PPOX: variants seen among roughly 807,000 people sequenced by gnomAD.
PPOX encodes protoporphyrinogen oxidase, also known as variegate porphyria.
Under a neutral mutation model 54.1 loss-of-function variants are expected in PPOX, and 23 were observed. The observed-to-expected ratio is 0.43, with a 90% CI of 0.31 to 0.60. PPOX has a LOEUF of 0.60. PPOX is among the 20% of genes least tolerant of loss of function. PPOX has a pLI of 0.13. For synonymous variants in PPOX, 224 were observed against 236.1 expected (o/e 0.95, Z 0.47); for missense variants, 512 against 601.1 (o/e 0.85, Z 1.55).
At chr1:161,166,071 G>C, upstream of PPOX, 1 of 984,598 alleles carries the variant, frequency 1.0e-6, no homozygotes, top group South Asian at 4.7e-5. Context: ...GCTGTTTATG[G>C]AGCCGCCTCC....
At chr1:161,171,317 C>A, downstream of PPOX, 1 of 1,375,556 alleles carries the variant, frequency 7.3e-7, no homozygotes, top group South Asian at 1.2e-5. Context: ...AGATGCGAGA[C>A]AAAGTCCTTT....
At chr1:161,174,979 G>A, downstream of PPOX, 1 of 1,611,198 alleles carries the variant, frequency 6.2e-7, no homozygotes, top group Non-Finnish European at 8.5e-7. Flanking sequence ...AAATGAGGTG[G>A]AGATTGGGGG....
Position 161,168,551 on chromosome 1 carries a change from A to G in PPOX, c.591A>G (p.Ile197Met). 6.2e-7 allele frequency: 1 copy of G among 1,614,022 alleles called. No individual in the cohort carries two copies. The highest frequency in any genetic ancestry group is 8.5e-7 in the Non-Finnish European group (1 of 1,180,010). The stretch of plus-strand genomic sequence containing the variant: ...AAGCTGAGCAAACCCATCGTTCCAT[A>G]TTACTGGGCCTGCTGCTGGGGGCAG... ...LFQAEQTHRSILLGLLLGAGR... is the reference protein window; with the variant it reads ...LFQAEQTHRSMLLGLLLGAGR... Residue 197 changes from isoleucine (I) to methionine (M), a missense_variant, in exon 6 of 13, where the codon ATA (isoleucine) becomes ATG (methionine). Physicochemically the swap from Ile to Met is conservative, Grantham distance 10. Transcript: ENST00000367999.
chr1:161,177,116 A>C, downstream of PPOX: 2 of 1,510,784 alleles, frequency 1.3e-6, no homozygotes, highest in Non-Finnish European at 1.8e-6. Flanking sequence ...GCTGAAGAGA[A>C]AGGGAGAGGG....
At chr1:161,176,804 G>C in intron 4 of PPOX, 1 of 1,490,460 alleles carries the variant, frequency 6.7e-7, no homozygotes, top group Non-Finnish European at 9.0e-7. Flanking sequence ...GGACAGATTG[G>C]GGAGTGGGGA....
Position 161,167,492 on chromosome 1 carries a change from A to AT in PPOX, c.338+6_338+7insT. 1 of 1,601,856 alleles carries AT rather than the reference A, an allele frequency of 6.2e-7. No individual in the cohort carries two copies. The highest frequency in any genetic ancestry group is 8.5e-7 in the Non-Finnish European group (1 of 1,177,282). ...GCCCTACCCACTGGCCTCAGGTAAC[A>AT]CCAGCACCTCCGCTCCTTTTACTGT... On this transcript the variant is annotated splice_region_variant and intron_variant, in intron 4 of 12. Coordinates refer to ENST00000367999, the MANE Select transcript of PPOX (RefSeq NM_001122764.3).
chr1:161,171,661 C>G (rs1661476111), downstream of PPOX: 2 of 1,086,762 alleles, frequency 1.8e-6, no homozygotes, highest in Admixed American at 2.7e-5. Context: ...AGGAGCCCAG[C>G]TCCAGTCCAG....
downstream of PPOX, chr1:161,171,377 G>A: frequency 3.2e-6 from 3 of 927,462 alleles, no homozygotes; most frequent in Non-Finnish European, 4.8e-6. Context: ...ACCAGAAGAG[G>A]GAGCTATTCC....
chr1:161,169,034 T>G lies in PPOX; in HGVS notation c.658T>G (p.Leu220Val), dbSNP rs547874675. ...QPDSALIRQA[L>V]AERWSQWSLR... is the part of the protein sequence containing the mutation. ...AGACTCAGCACTCATTCGCCAGGCCTTGGCTGAGCGCTGGAGCCAGTGGTC... is the reference window on the plus strand; with the variant it reads ...AGACTCAGCACTCATTCGCCAGGCCGTGGCTGAGCGCTGGAGCCAGTGGTC... Residue 220 changes from leucine (L) to valine (V), a missense_variant, in exon 7 of 13, where the codon TTG becomes GTG. Leu to Val is a conservative substitution (Grantham distance 32, BLOSUM62 1). Transcript: ENST00000367999. The G allele has an allele frequency of 6.2e-7, 1 of 1,614,222 alleles. No individual in the cohort carries two copies. The highest frequency in any genetic ancestry group is 1.1e-5 in the South Asian group (1 of 91,092).
intron 11 of PPOX, 49 bp downstream of exon 11, chr1:161,170,818 C>G: frequency 6.2e-7 from 1 of 1,614,012 alleles, no homozygotes; most frequent in South Asian, 1.1e-5. Context: ...GCCTTGAAGA[C>G]AGAGACTGGA....
Position 161,166,837 on chromosome 1 carries a change from C to CA in PPOX, c.-8-2dup. 6.2e-7 allele frequency: 1 copy of CA among 1,612,990 alleles called. No homozygotes were observed. The highest frequency in any genetic ancestry group is 1.1e-5 in the South Asian group (1 of 91,078). ...CCTGTCCATATCGCCCCCTTTCCCC[C>CA]AGGTTTCCGCATGGGCCGGACCGTG... On this transcript the variant is annotated splice_region_variant and splice_polypyrimidine_tract_variant and intron_variant, in intron 1 of 12. Transcript: ENST00000367999.
chr1:161,170,674 T>C lies in PPOX; in HGVS notation c.1153T>C (p.Ser385Pro), dbSNP rs746065653. Residue 385 changes from serine to proline, a missense_variant, in exon 11 of 13, where the codon TCT (serine) becomes CCT (proline). Ser to Pro is a moderately conservative substitution (Grantham distance 74, BLOSUM62 -1). Coordinates refer to ENST00000367999, the MANE Select transcript of PPOX (RefSeq NM_001122764.3). ...QTLEASGCVL[S>P]QELFQQRAQE... ...ACTGGAGGCTAGTGGCTGTGTCTTA[T>C]CTCAGGAGCTGTTTCAACAGCGGGC... 1.2e-6 allele frequency: 2 copies of C among 1,613,994 alleles called. No homozygotes were observed. The highest frequency in any genetic ancestry group is 2.2e-5 in the South Asian group (2 of 91,078).
chr1:161,169,780 C>T, intron 8 of PPOX, 60 bp downstream of exon 8: 1 of 1,613,168 alleles, frequency 6.2e-7, no homozygotes, highest in Non-Finnish European at 8.5e-7. Context: ...AAAAGCTATA[C>T]CTTCCTGGGT....
downstream of PPOX, chr1:161,174,897 T>A: frequency 7.4e-7 from 1 of 1,344,222 alleles, no homozygotes; most frequent in Non-Finnish European, 1.1e-6. Flanking sequence ...CTTCTTAAAA[T>A]TATTCTAGGG....
chr1:161,177,520 G>C (rs1255623728), downstream of PPOX: 1 of 170,050 alleles, frequency 5.9e-6, no homozygotes, highest in Non-Finnish European at 1.3e-5. Context: ...GGGGTCTCGC[G>C]TCATGGGGCG....
chr1:161,173,837 A>G, downstream of PPOX: 2 of 1,611,548 alleles, frequency 1.2e-6, no homozygotes, highest in Non-Finnish European at 1.7e-6. Flanking sequence ...CCTGTTTCCC[A>G]GTACCCTTCC....
upstream of PPOX, chr1:161,166,064 G>C (rs1389133819): frequency 2.0e-6 from 2 of 983,178 alleles, no homozygotes; most frequent in African/African-American, 3.5e-5. Flanking sequence ...TCAAGGAGCT[G>C]TTTATGGAGC....
chr1:161,175,794 C>T, downstream of PPOX: 1 of 1,609,894 alleles, frequency 6.2e-7, no homozygotes, highest in African/African-American at 1.3e-5. Context: ...CCACCTCCTT[C>T]CTCCTGCACT....
rs397731347 is a variant in PPOX at position 161,167,557 on chromosome 1, CTTTTTTTTTTTTTTT to C, written c.338+84_338+98del. 1.5e-4 allele frequency: 84 copies of C among 555,094 alleles called. 3 individuals are homozygous for C. The highest frequency in any genetic ancestry group is 9.8e-4 in the Admixed American group (20 of 20,412). 34.4% of individuals were successfully genotyped at this position (555,094 alleles called of 1,614,324 possible). ...ATGCCTTCCATTTCTTTCTTCTTTT[CTTTTTTTTTTTTTTT>C]TTTTTTTTTTTTGAGACGGAGTATC... On this transcript the variant is annotated intron_variant, in intron 4 of 12. Coordinates refer to ENST00000367999, the MANE Select transcript of PPOX (RefSeq NM_001122764.3).
Sources: allele counts gnomAD v4.1 joint callset, GRCh38; gene constraint gnomAD v4.1.1; transcripts MANE v1.5; gene names NCBI Gene and HGNC (gene_info 2026-07-23, HGNC 2026-07-21).